Variants in XRCC5 observed in about 807,000 individuals in gnomAD.
The protein encoded by XRCC5 is X-ray repair cross complementing 5, also known as DNA repair protein Ku80.
XRCC5 carries 12 observed loss-of-function variants against 95.7 expected under a neutral mutation model. That is an observed-to-expected ratio of 0.13 (90% CI 0.08 to 0.20). XRCC5 has a LOEUF of 0.20. Ranked by LOEUF, XRCC5 falls within the 10% of genes least tolerant of loss-of-function variation. The probability of loss-of-function intolerance (pLI) is 1.00; values close to 1 mark genes in which losing one functional copy is unlikely to be tolerated. For missense variants in XRCC5, 595 were observed against 873.9 expected, an observed-to-expected ratio of 0.68 and a Z score of 4.02; for synonymous variants, 281 against 290.3, an observed-to-expected ratio of 0.97 and a Z score of 0.33.
chr2:216,185,014 G>A (rs982302220), intron 16 of XRCC5, among the ~76,000 whole-genome samples: 4 of 152,178 alleles, frequency 2.6e-5, no homozygotes, highest in African/African-American at 9.7e-5. Context: ...TGGGAAGTAG[G>A]GAGGGAGAAA....
chr2:216,141,554 TTTTTTTTTTTTTC>T (rs201424187), intron 13 of XRCC5, among the ~76,000 whole-genome samples: 51,443 of 129,788 alleles, frequency 0.4, 11,711 homozygotes, highest in South Asian at 0.52. Flanking sequence ...TTTTTTTTTT[TTTTTTTTTTTTTC>T]CTGGAAGAAG....
intron 19 of XRCC5, among the ~76,000 whole-genome samples, chr2:216,200,212 A>G (rs1416251034): frequency 6.6e-6 from 1 of 152,048 alleles, no homozygotes; most frequent in Non-Finnish European, 1.5e-5. Context: ...AACCACATCT[A>G]CCTAGAGAAA....
At chr2:216,178,300 A>G (rs1197836172) in intron 16 of XRCC5, among the ~76,000 whole-genome samples, 1 of 152,222 alleles carries the variant, frequency 6.6e-6, no homozygotes, top group African/African-American at 2.4e-5. Flanking sequence ...TAGTAATATA[A>G]TAGCATATAA....
At chr2:216,141,022 A>G (rs1321555468) in intron 12 of XRCC5, among the ~76,000 whole-genome samples, 164 bp from the exon 13 acceptor site, 2 of 152,256 alleles carry the variant, frequency 1.3e-5, no homozygotes, top group Non-Finnish European at 2.9e-5. Context: ...CATGGATAAG[A>G]AAACCAAGAC....
chr2:216,127,248 AAAAT>A (rs1315168330), intron 7 of XRCC5, among the ~76,000 whole-genome samples: 3 of 152,234 alleles, frequency 2.0e-5, no homozygotes, highest in African/African-American at 7.2e-5. Flanking sequence ...TCAAAAAATA[AAAAT>A]AAATAAATAA....
intron 18 of XRCC5, among the ~76,000 whole-genome samples, chr2:216,194,306 C>A (rs1393312164): frequency 6.6e-6 from 1 of 152,118 alleles, no homozygotes; most frequent in Non-Finnish European, 1.5e-5. Flanking sequence ...TTTCCAACAA[C>A]CTATTGATGA....
At chr2:216,130,718 C>T in intron 8 of XRCC5, 157 bp from the exon 9 acceptor site, 1 of 528,752 alleles carries the variant, frequency 1.9e-6, no homozygotes, top group Non-Finnish European at 3.3e-6. Context: ...GCTTTTTCAC[C>T]ATTGATCACA....
chr2:216,121,978 TTGAC>T, intron 5 of XRCC5, 80 bp from the exon 6 acceptor site: 1 of 1,234,380 alleles, frequency 8.1e-7, no homozygotes, highest in Non-Finnish European at 1.1e-6. Flanking sequence ...CTTGAAAAGG[TTGAC>T]TGATGTGCTC....
chr2:216,156,511 CAA>C, intron 14 of XRCC5: 1 of 623,172 alleles, frequency 1.6e-6, no homozygotes. Flanking sequence ...CACAGCAAAA[CAA>C]GACTTCCTCC....
chr2:216,156,221 C>T lies in XRCC5; in HGVS notation c.1671-3847C>T, dbSNP rs149773119. The T allele has an allele frequency of 2.9e-4, 128 of 439,506 alleles. No individual in the cohort carries two copies. The Middle Eastern group carries it at 5.0e-3, about 17-fold the overall frequency. The allele number at this position is 439,506 out of a possible 1,614,324, so 27.2% of individuals were successfully genotyped here. ...TCCTTCCATATGAGTCCTTGTGATT[C>T]GTTGAGGCCATAGGTTAAGTTTCCT... On this transcript the variant is annotated intron_variant, in intron 14 of 20. Coordinates refer to ENST00000392132, the MANE Select transcript of XRCC5 (RefSeq NM_021141.4).
intron 13 of XRCC5, among the ~76,000 whole-genome samples, chr2:216,144,225 C>G (rs1331574754): frequency 1.3e-5 from 2 of 152,074 alleles, no homozygotes; most frequent in African/African-American, 4.8e-5. Context: ...GGAGGGCATG[C>G]CATGCAAAAT....
chr2:216,163,007 C>A (rs1351052750), intron 16 of XRCC5, among the ~76,000 whole-genome samples: 1 of 152,128 alleles, frequency 6.6e-6, no homozygotes, highest in Non-Finnish European at 1.5e-5. Flanking sequence ...TATATATAAA[C>A]TATTATATTC....
intron 16 of XRCC5, among the ~76,000 whole-genome samples, chr2:216,188,510 T>A (rs1689551156): frequency 6.6e-6 from 1 of 152,216 alleles, no homozygotes; most frequent in South Asian, 2.1e-4. Flanking sequence ...TCCTAAGATT[T>A]CCTATTCTCA....
chr2:216,130,820 C>T, intron 8 of XRCC5, 55 bp from the exon 9 acceptor site: 1 of 1,223,984 alleles, frequency 8.2e-7, no homozygotes, highest in Non-Finnish European at 1.2e-6. Flanking sequence ...CTAATTTCAG[C>T]TTGTAGAAAA....
intron 19 of XRCC5, among the ~76,000 whole-genome samples, chr2:216,198,962 C>G (rs1689784675): frequency 6.6e-6 from 1 of 152,152 alleles, no homozygotes; most frequent in Non-Finnish European, 1.5e-5. Flanking sequence ...GATTCTGGCT[C>G]AAGGAAGCTG....
intron 16 of XRCC5, chr2:216,175,441 C>A (rs566355154): frequency 7.7e-6 from 4 of 518,396 alleles, no homozygotes; most frequent in African/African-American, 1.9e-5. Context: ...TTAGAAAGGG[C>A]CTTTTTCACT....
At position 216,190,348 on chromosome 2, in the gene XRCC5, A is replaced by G. The variant is rs1157955339; in HGVS notation, c.1944+14A>G. On this transcript the variant is annotated intron_variant, in intron 17 of 20. Transcript: ENST00000392132. ...GAAGCCATTAAGGTAATGCTATCCTAGCATCTCTTTTCTTCCTAAACAGTT... is the reference window on the plus strand; with the variant it reads ...GAAGCCATTAAGGTAATGCTATCCTGGCATCTCTTTTCTTCCTAAACAGTT... 2 of 1,605,898 alleles carry G rather than the reference A, an allele frequency of 1.2e-6. No individual in the cohort carries two copies. The highest frequency in any genetic ancestry group is 1.7e-6 in the Non-Finnish European group (2 of 1,173,398).
At chr2:216,140,241 G>T (rs992676136) in intron 12 of XRCC5, among the ~76,000 whole-genome samples, 5 of 152,220 alleles carry the variant, frequency 3.3e-5, no homozygotes, top group African/African-American at 1.2e-4. Context: ...TGTTGTAGCT[G>T]TACAAAAGGG....
Position 216,119,113 on chromosome 2 carries a change from C to T in XRCC5, c.439C>T (p.Leu147=), listed in dbSNP as rs1559237485. 6.2e-7 allele frequency: 1 copy of T among 1,614,092 alleles called. No homozygotes were observed. The highest frequency in any genetic ancestry group is 8.5e-7 in the Non-Finnish European group (1 of 1,179,976). The part of the protein sequence containing the change: ...DLSSRFSKSQ[L]DIIIHSLKKC... ...CAGCAGCCGATTCAGCAAAAGTCAG[C>T]TGGATATTATAATTCATAGCTTGAA... The change falls in exon 5 of 21, where the codon CTG becomes TTG. Residue 147 remains leucine (L), a synonymous_variant. Transcript: ENST00000392132.
Sources: allele counts gnomAD v4.1 joint callset (sites outside exome capture counted in the v4.1 genomes callset), GRCh38; gene constraint gnomAD v4.1.1; transcripts MANE v1.5; gene names NCBI Gene and HGNC (gene_info 2026-07-23, HGNC 2026-07-21).